Variants in NIPBL observed in about 807,000 individuals in gnomAD.
NIPBL encodes the protein nipped-B-like protein.
Under a neutral mutation model 321.8 loss-of-function variants are expected in NIPBL, and 19 were observed. That is an observed-to-expected ratio of 0.06 (90% CI 0.04 to 0.09). The LOEUF is 0.09. Ranked by LOEUF, NIPBL falls within the 10% of genes least tolerant of loss-of-function variation. The probability of loss-of-function intolerance (pLI) is 1.00; values close to 1 mark genes in which losing one functional copy is unlikely to be tolerated. For missense variants in NIPBL, 2,210 were observed against 3,327.0 expected, an observed-to-expected ratio of 0.66 and a Z score of 8.26; for synonymous variants, 1,106 against 1,114.1, an observed-to-expected ratio of 0.99 and a Z score of 0.14.
At chr5:37,002,809 A>G in intron 15 of NIPBL, 44 bp downstream of exon 15, 1 of 1,116,146 alleles carries the variant, frequency 9.0e-7, no homozygotes, top group South Asian at 1.3e-5. Flanking sequence ...TCATAGAAAC[A>G]TTTGAAATTA....
At chr5:37,049,589 C>G (rs1486955484) in intron 40 of NIPBL, among the ~76,000 whole-genome samples, 1 of 152,108 alleles carries the variant, frequency 6.6e-6, no homozygotes, top group Non-Finnish European at 1.5e-5. Flanking sequence ...TTCATATTTA[C>G]TTTTGTCCCT....
Position 36,985,124 on chromosome 5 carries a change from A to G in NIPBL, c.1944A>G (p.Thr648=). The G allele has an allele frequency of 6.2e-7, 1 of 1,613,986 alleles. No individual in the cohort carries two copies. Among genetic ancestry groups the G allele is most frequent in the Admixed American group, 1.7e-5 (1 of 59,908 alleles). The change falls in exon 10 of 47, where the codon ACA becomes ACG. Residue 648 remains threonine (T), a synonymous_variant. Transcript: ENST00000282516. ...TAGAAACTAAAGTTGAGACCCAAAC[A>G]GAAGAACTTAAACAGAATGAGAGCA... ...NKLETKVETQ[T]EELKQNESRT...
intron 1 of NIPBL, among the ~76,000 whole-genome samples, chr5:36,928,837 C>T (rs1185483799): frequency 6.6e-6 from 1 of 152,106 alleles, no homozygotes; most frequent in African/African-American, 2.4e-5. Flanking sequence ...CATAACGTAT[C>T]AGTATTTTGT....
In NIPBL at chr5:37,023,948, C is replaced by T. The variant is rs534047126; in HGVS notation, c.5575-637C>T. 4.0e-5 allele frequency among the ~76,000 whole-genome samples: 6 copies of T among 151,462 alleles called. No individual in the cohort carries two copies. In the South Asian group the frequency reaches 6.3e-4, roughly 16 times the overall value. On this transcript the variant is annotated intron_variant, in intron 29 of 46. Coordinates refer to ENST00000282516, the MANE Select transcript of NIPBL (RefSeq NM_133433.4). ...TGGGAGGCTGAGGCGGGTGAATCACCCAAGGTCAGGAGTTCAAGACCAGCC... is the reference window on the plus strand; with the variant it reads ...TGGGAGGCTGAGGCGGGTGAATCACTCAAGGTCAGGAGTTCAAGACCAGCC...
chr5:36,954,007 T>A (rs1403414210), intron 2 of NIPBL, among the ~76,000 whole-genome samples: 1 of 152,216 alleles, frequency 6.6e-6, no homozygotes. Flanking sequence ...TATTTTACTC[T>A]AAGGACTTAA....
At chr5:36,940,635 G>A (rs1738964533) in intron 1 of NIPBL, among the ~76,000 whole-genome samples, 1 of 151,904 alleles carries the variant, frequency 6.6e-6, no homozygotes, top group African/African-American at 2.4e-5. Context: ...TTCTCTTGCA[G>A]CACTTTGTTT....
In NIPBL at chr5:36,972,027, A is replaced by G. The variant is rs754382888; in HGVS notation, c.854A>G (p.Glu285Gly). Residue 285 changes from glutamate to glycine, a missense_variant, in exon 8 of 47, where the codon GAA becomes GGA. Coordinates refer to ENST00000282516, the MANE Select transcript of NIPBL (RefSeq NM_133433.4). ...PQPVCSPAGS[E>G]GTPKGSRPPL... ...CCAGTATGCTCCCCTGCTGGAAGTGAAGGAACTCCTAAAGGTACTACTGTA... is the reference window on the plus strand; with the variant it reads ...CCAGTATGCTCCCCTGCTGGAAGTGGAGGAACTCCTAAAGGTACTACTGTA... The G allele has an allele frequency of 2.5e-6, 4 of 1,610,712 alleles. No individual in the cohort carries two copies. Among genetic ancestry groups the G allele is most frequent in the Non-Finnish European group, 3.4e-6 (4 of 1,177,088 alleles).
intron 1 of NIPBL, among the ~76,000 whole-genome samples, chr5:36,938,756 T>C (rs1396717418): frequency 6.6e-6 from 1 of 152,166 alleles, no homozygotes; most frequent in African/African-American, 2.4e-5. Context: ...GTCACCCAGC[T>C]TCTCACAATA....
chr5:36,952,759 T>C (rs1561071418), intron 1 of NIPBL, among the ~76,000 whole-genome samples: 1 of 152,220 alleles, frequency 6.6e-6, no homozygotes, highest in African/African-American at 2.4e-5. Context: ...TGTGGTTGCA[T>C]ATTGATTATG....
rs773606834 is a variant in NIPBL at position 36,995,708 on chromosome 5, A to T, written c.3208A>T (p.Lys1070Ter). The T allele has an allele frequency of 6.2e-7, 1 of 1,613,900 alleles. No homozygotes were observed. Residue 1070 changes from lysine (K) to a stop codon, truncating the protein, a stop_gained, in exon 11 of 47, where the codon AAA (lysine) becomes TAA (stop). Coordinates refer to ENST00000282516, the MANE Select transcript of NIPBL (RefSeq NM_133433.4). LOFTEE classifies it high-confidence loss of function. ...ESTMPLCERV[K>*]MNKRKRSTVN... is the part of the protein sequence containing the mutation. ...CACCATGCCACTTTGTGAACGTGTG[A>T]AAATGAACAAACGCAAGCGTAGCAC...
chr5:37,046,738 TG>T lies in NIPBL; in HGVS notation c.6589+540del, dbSNP rs542987173. Among the ~76,000 whole-genome samples the T allele has an allele frequency of 4.1e-4, 63 of 152,326 alleles. 1 individual carries two copies. The highest frequency in any genetic ancestry group is 6.8e-3 in the Middle Eastern group (2 of 294). ...AGGAAGGATTGATGTAATAAAAACA[TG>T]TTTTGCAATTGTTAGGCAGGTCTAT... On this transcript the variant is annotated intron_variant, in intron 38 of 46. Transcript: ENST00000282516.
intron 1 of NIPBL, among the ~76,000 whole-genome samples, chr5:36,879,567 T>A (rs757916011): frequency 6.6e-5 from 10 of 152,218 alleles, no homozygotes; most frequent in Non-Finnish European, 1.2e-4. Context: ...GAGAATAGTT[T>A]GTTTCCCTAA....
At chr5:37,006,153 T>G (rs1003608236) in intron 16 of NIPBL, among the ~76,000 whole-genome samples, 1 of 152,042 alleles carries the variant, frequency 6.6e-6, no homozygotes, top group African/African-American at 2.4e-5. Flanking sequence ...TGAAATGAGG[T>G]AGAGTATATC....
rs1392501178 is a variant in NIPBL, at chr5:36,976,160, A to C, written c.1253A>C (p.Gln418Pro). The change falls in exon 9 of 47, where the codon CAA (glutamine) becomes CCA (proline). Residue 418 changes from glutamine to proline, a missense_variant. Gln to Pro is a moderately conservative substitution (Grantham distance 76). Around this residue, in one of 14 missense-constraint regions of NIPBL, gnomAD observed 464 missense variants for 529.5 expected, o/e 0.88. Transcript: ENST00000282516. ...QDINRPLNAA[Q>P]CLSQQEQTAF... is the part of the protein sequence containing the mutation. ...ATAAACCGCCCACTAAATGCTGCTC[A>C]ATGTTTGTCGCAGCAAGAACAAACA... is the stretch of plus-strand genomic sequence containing the variant. The C allele has an allele frequency of 5.0e-6, 8 of 1,613,160 alleles. No homozygotes were observed. The South Asian group carries it at 7.7e-5, about 16-fold the overall frequency.
At position 37,063,831 on chromosome 5, in the gene NIPBL, A is replaced by G; in HGVS notation, c.7902A>G (p.Glu2634=). 6.2e-7 allele frequency: 1 copy of G among 1,614,100 alleles called. No homozygotes were observed. The highest frequency in any genetic ancestry group is 8.5e-7 in the Non-Finnish European group (1 of 1,180,010). ...AACATCTGGACCCTGATGAAGAAGA[A>G]GAAGAAGGGGAGGTTTCAGCTAGCA... The part of the protein sequence containing the change: ...LMEHLDPDEE[E]EEGEVSASTN... Residue 2634 remains glutamate (E), a synonymous_variant, in exon 46 of 47, where the codon GAA becomes GAG. Transcript: ENST00000282516.
At chr5:37,030,835 G>C (rs1750917648) in intron 32 of NIPBL, among the ~76,000 whole-genome samples, 1 of 150,556 alleles carries the variant, frequency 6.6e-6, no homozygotes, top group African/African-American at 2.4e-5. Flanking sequence ...GCCCACTGTG[G>C]CCTCAACCTC....
At chr5:36,963,150 T>G (rs1256795524) in intron 6 of NIPBL, among the ~76,000 whole-genome samples, 1 of 152,144 alleles carries the variant, frequency 6.6e-6, no homozygotes, top group East Asian at 1.9e-4. Context: ...TGGAGATATA[T>G]TTCATGGTTA....
Position 36,974,680 on chromosome 5 carries a change from TAG to T in NIPBL, c.869-1093_869-1092del, listed in dbSNP as rs143489068. Among the ~76,000 whole-genome samples, 913 of 152,220 alleles carry T rather than the reference TAG, an allele frequency of 6.0e-3. 11 individuals carry two copies. The highest frequency in any genetic ancestry group is 0.021 in the African/African-American group (868 of 41,568). ...TGCTCCCATATCATCTTTATCACAC[TAG>T]AGTCAATAAATAAAGTTGTATGTTT... On this transcript the variant is annotated intron_variant, in intron 8 of 46. Transcript: ENST00000282516.
At chr5:36,994,059 G>C (rs1745853814) in intron 10 of NIPBL, among the ~76,000 whole-genome samples, 1 of 152,038 alleles carries the variant, frequency 6.6e-6, no homozygotes, top group Admixed American at 6.5e-5. Flanking sequence ...GTTCAGTTTG[G>C]GGCTGAAAAT....
Sources: gnomAD v4.1 joint callset for allele counts (sites outside exome capture counted in the v4.1 genomes callset) on GRCh38, gnomAD v4.1.1 for gene constraint, gnomAD v4.1.1 regional missense constraint, MANE v1.5 for transcripts, NCBI Gene and HGNC (gene_info 2026-07-23, HGNC 2026-07-21) for gene names.